POLR3A: variants seen among roughly 807,000 people sequenced by gnomAD.
POLR3A encodes RNA polymerase III subunit A.
Under a neutral mutation model 152.8 loss-of-function variants are expected in POLR3A, and 112 were observed. The observed-to-expected ratio is 0.73, with a 90% CI of 0.63 to 0.86. POLR3A has a LOEUF of 0.86. Among genes scored for constraint, POLR3A ranks in the 40% least tolerant of loss-of-function variants. The pLI, the probability that POLR3A is intolerant of heterozygous loss-of-function variation, is 0.00. For missense variants in POLR3A, 1,385 were observed against 1,743.1 expected, an observed-to-expected ratio of 0.79 and a Z score of 3.66; for synonymous variants, 615 against 652.1, an observed-to-expected ratio of 0.94 and a Z score of 0.87.
chr10:78,018,848 A>G (rs561561888), intron 9 of POLR3A, among the ~76,000 whole-genome samples: 2 of 152,306 alleles, frequency 1.3e-5, no homozygotes, highest in East Asian at 3.9e-4. Context: ...GGCCTCACAA[A>G]GTGCTGGGAT....
intron 26 of POLR3A, 109 bp from the exon 27 acceptor site, chr10:77,982,926 C>T (rs974725389): frequency 1.2e-6 from 1 of 851,704 alleles, no homozygotes; most frequent in Non-Finnish European, 2.0e-6. Context: ...TAAGCACCCC[C>T]CACCCGCACC....
rs1847616274 is a variant in POLR3A at position 78,024,832 on chromosome 10, A to G, written c.491-129T>C. The G allele has an allele frequency of 5.3e-6, 7 of 1,320,826 alleles. No homozygotes were observed. The African/African-American group carries it at 8.7e-5, about 16-fold the overall frequency. The allele number at this position is 1,320,826 out of a possible 1,614,324, so 81.8% of individuals were successfully genotyped here. On this transcript the variant is annotated intron_variant, in intron 4 of 30. Coordinates refer to ENST00000372371, the MANE Select transcript of POLR3A (RefSeq NM_007055.4). ...AAAGATGAGAGGTCCGTTTCCCAAT[A>G]GGACATCAGTTGTTGGGCTCTTAAG... is the stretch of plus-strand genomic sequence containing the variant.
chr10:77,994,752 G>A (rs1162984430), intron 19 of POLR3A, among the ~76,000 whole-genome samples: 4 of 152,174 alleles, frequency 2.6e-5, no homozygotes, highest in African/African-American at 7.2e-5. Context: ...ATGTTATCCA[G>A]GAGAACTTCC....
rs536984037 is a variant in POLR3A at position 77,980,053 on chromosome 10, G to C, written c.4024+88C>G. The C allele has an allele frequency of 1.6e-5, 21 of 1,277,318 alleles. No homozygotes were observed. The South Asian group carries it at 2.5e-4, about 15-fold the overall frequency. The allele number at this position is 1,277,318 out of a possible 1,614,324, so 79.1% of individuals were successfully genotyped here. ...GAAAAAATAAACGCTCTGCCACTCA[G>C]TTTTTTTCATTCCCTTGGAAGCCTA... On this transcript the variant is annotated intron_variant, in intron 30 of 30. Transcript: ENST00000372371.
chr10:77,979,894 C>T (rs1020084089), intron 30 of POLR3A, among the ~76,000 whole-genome samples: 1 of 152,150 alleles, frequency 6.6e-6, no homozygotes, highest in Non-Finnish European at 1.5e-5. Flanking sequence ...CTCTTTGCTT[C>T]GTGGACCAAA....
chr10:78,020,527 AC>A (rs959010143), intron 8 of POLR3A, among the ~76,000 whole-genome samples: 3 of 150,534 alleles, frequency 2.0e-5, no homozygotes, highest in Admixed American at 6.6e-5. Flanking sequence ...GGTGGCTCAT[AC>A]CTGTAATCCC....
intron 19 of POLR3A, among the ~76,000 whole-genome samples, chr10:77,994,719 C>A (rs1474497184): frequency 3.3e-5 from 5 of 152,090 alleles, no homozygotes; most frequent in Non-Finnish European, 7.4e-5. Flanking sequence ...AGAAGGGAAC[C>A]AAGTTGGAAA....
At chr10:78,025,975 A>T in intron 2 of POLR3A, 119 bp downstream of exon 2, 1 of 1,329,818 alleles carries the variant, frequency 7.5e-7, no homozygotes, top group Admixed American at 1.8e-5. Context: ...ACCTAGTCTA[A>T]TATGTGCAGG....
intron 21 of POLR3A, among the ~76,000 whole-genome samples, chr10:77,989,338 C>T (rs1847225940): frequency 6.6e-6 from 1 of 152,306 alleles, no homozygotes; most frequent in African/African-American, 2.4e-5. Context: ...GTGCCTCTGT[C>T]ACCTCAGCTC....
At chr10:77,996,639 A>G (rs1335962602) in intron 19 of POLR3A, among the ~76,000 whole-genome samples, 1 of 151,318 alleles carries the variant, frequency 6.6e-6, no homozygotes, top group Non-Finnish European at 1.5e-5. Context: ...GAATAGACCA[A>G]TAACAGGAGC....
At chr10:77,989,071 C>T (rs766820435) in intron 21 of POLR3A, among the ~76,000 whole-genome samples, 8 of 152,136 alleles carry the variant, frequency 5.3e-5, no homozygotes, top group Non-Finnish European at 1.0e-4. Context: ...ACTTTCCCTA[C>T]ACAAAGGTTC....
chr10:77,985,910 A>G lies in POLR3A; in HGVS notation c.3064T>C (p.Tyr1022His), dbSNP rs141603555. Reference sequence around the variant, plus strand: ...AGACAAAAGCATCCCTACCTCATGTACTTGTCCCTACAGGTCTCCAGAAAC... The same window carrying G: ...AGACAAAAGCATCCCTACCTCATGTGCTTGTCCCTACAGGTCTCCAGAAAC... The part of the protein sequence containing the change: ...EKFLETCRDK[Y>H]MRAQMEPGSA... Residue 1022 changes from tyrosine (Y) to histidine (H), a missense_variant, in exon 23 of 31, where the codon TAC (tyrosine) becomes CAC (histidine). Tyr to His is a moderately conservative substitution (Grantham distance 83). Around this residue, in one of 7 missense-constraint regions of POLR3A, gnomAD observed 178 missense variants for 204.6 expected, o/e 0.87. Transcript: ENST00000372371. 106 of 1,612,798 alleles carry G rather than the reference A, an allele frequency of 6.6e-5. No homozygotes were observed. The highest frequency in any genetic ancestry group is 8.8e-5 in the Non-Finnish European group (104 of 1,178,880).
chr10:78,022,427 T>C (rs1484090125), intron 5 of POLR3A, 43 bp from the exon 6 acceptor site: 1 of 1,605,978 alleles, frequency 6.2e-7, no homozygotes, highest in South Asian at 1.1e-5. Context: ...ACTATGTTAG[T>C]TTTCCATAGC....
At chr10:78,021,525 A>G in intron 8 of POLR3A, 21 bp downstream of exon 8, 5 of 1,613,260 alleles carry the variant, frequency 3.1e-6, no homozygotes, top group Non-Finnish European at 4.2e-6. Context: ...CAAAGAATTG[A>G]GCAGCTGAGT....
At position 78,021,591 on chromosome 10, in the gene POLR3A, T is replaced by C; in HGVS notation, c.1140A>G (p.Val380=). The change falls in exon 8 of 31, where the codon GTA becomes GTG. Residue 380 remains valine (V), a synonymous_variant. Coordinates refer to ENST00000372371, the MANE Select transcript of POLR3A (RefSeq NM_007055.4). ...SPDPNLRIDE[V]AVPVHVAKIL... ...TTTTGGCCACATGAACTGGCACAGC[T>C]ACCTCATCAATCCGGAGGTTGGGGT... The C allele has an allele frequency of 6.2e-7, 1 of 1,614,080 alleles. No individual in the cohort carries two copies. Among genetic ancestry groups the C allele is most frequent in the Non-Finnish European group, 8.5e-7 (1 of 1,179,930 alleles).
intron 24 of POLR3A, 29 bp downstream of exon 24, chr10:77,985,141 T>C (rs751379814): frequency 1.3e-5 from 20 of 1,585,984 alleles, no homozygotes; most frequent in Non-Finnish European, 1.6e-5. Context: ...CAGGCATGTG[T>C]GGAACAAGAA....
intron 30 of POLR3A, 107 bp from the exon 31 acceptor site, chr10:77,977,733 CG>C (rs1847103517): frequency 1.1e-6 from 1 of 900,914 alleles, no homozygotes; most frequent in Non-Finnish European, 1.9e-6. Flanking sequence ...TGAGTCCCAG[CG>C]CCACTCCACA....
chr10:78,020,173 CA>C (rs34239022), intron 8 of POLR3A: 24,921 of 74,102 alleles, frequency 0.34, 2,345 homozygotes, highest in South Asian at 0.42. Context: ...GACTCAGTCT[CA>C]AAAAAAAAAA....
chr10:78,026,118 T>C lies in POLR3A; in HGVS notation c.156A>G (p.Leu52=), dbSNP rs373974792. The change falls in exon 2 of 31, where the codon CTA becomes CTG. Residue 52 remains leucine, a synonymous_variant. Coordinates refer to ENST00000372371, the MANE Select transcript of POLR3A (RefSeq NM_007055.4). ...YSQDNQHAPL[L]YGVLDHRMGT... is the part of the protein sequence containing the mutation. ...CCATCCTATGGTCGAGCACCCCATA[T>C]AGCAAGGGGGCATGTTGGTTGTCCT... 213 of 1,614,064 alleles carry C rather than the reference T, an allele frequency of 1.3e-4. No homozygotes were observed. The highest frequency in any genetic ancestry group is 3.8e-4 in the South Asian group (35 of 91,096).
Sources: gnomAD v4.1 joint callset for allele counts (sites outside exome capture counted in the v4.1 genomes callset) on GRCh38, gnomAD v4.1.1 for gene constraint, gnomAD v4.1.1 regional missense constraint, MANE v1.5 for transcripts, NCBI Gene and HGNC (gene_info 2026-07-23, HGNC 2026-07-21) for gene names.